RPS6KC1: variants seen among roughly 807,000 people sequenced by gnomAD.
RPS6KC1 encodes inactive ribosomal protein S6 kinase delta-1.
Under a neutral mutation model 103.8 loss-of-function variants are expected in RPS6KC1, and 54 were observed. The observed-to-expected ratio is 0.52, with a 90% CI of 0.42 to 0.65. The LOEUF (loss-of-function observed/expected upper bound fraction) is 0.65. Ranked by LOEUF, RPS6KC1 falls within the 30% of genes least tolerant of loss-of-function variation. RPS6KC1 has a pLI of 0.00. For synonymous variants in RPS6KC1, 439 were observed against 438.7 expected (o/e 1.00, Z -0.01); for missense variants, 1,151 against 1,253.8 (o/e 0.92, Z 1.24).
chr1:213,129,306 A>G (rs1044897246), intron 5 of RPS6KC1, among the ~76,000 whole-genome samples: 2 of 152,164 alleles, frequency 1.3e-5, no homozygotes, highest in Non-Finnish European at 2.9e-5. Context: ...CTTCAATTTT[A>G]GTTTGATGAT....
chr1:213,760,549 CCT>C, the RPS6KC1 span, among the ~76,000 whole-genome samples: 1 of 152,112 alleles, frequency 6.6e-6, no homozygotes, highest in Admixed American at 6.5e-5. Context: ...GGCAGATTTC[CCT>C]CTGTTAAAAA....
chr1:213,149,368 A>C (rs921305895), intron 6 of RPS6KC1, among the ~76,000 whole-genome samples: 2 of 152,108 alleles, frequency 1.3e-5, no homozygotes, highest in African/African-American at 4.8e-5. Context: ...GATTTGTTTT[A>C]AGAAATTTTC....
At chr1:213,431,822 C>T in the RPS6KC1 span, among the ~76,000 whole-genome samples, 26 of 152,170 alleles carry the variant, frequency 1.7e-4, no homozygotes, top group African/African-American at 4.8e-4. Context: ...GCATGCACTA[C>T]GGATGAAATT....
chr1:213,545,767 G>A, the RPS6KC1 span, among the ~76,000 whole-genome samples: 2 of 152,244 alleles, frequency 1.3e-5, no homozygotes, highest in East Asian at 1.9e-4. Context: ...CTGCTTCTAA[G>A]TTCTCCCACA....
At chr1:213,150,907 T>C (rs2147894731) in intron 6 of RPS6KC1, among the ~76,000 whole-genome samples, 1 of 151,470 alleles carries the variant, frequency 6.6e-6, no homozygotes, top group East Asian at 2.0e-4. Context: ...GAGGCGCCCC[T>C]CACCTCCTGG....
intron 1 of RPS6KC1, among the ~76,000 whole-genome samples, chr1:213,054,523 T>G (rs750548286): frequency 2.6e-5 from 4 of 152,222 alleles, no homozygotes; most frequent in Non-Finnish European, 5.9e-5. Context: ...AGATAAAAAT[T>G]AAGAATGTCT....
intron 7 of RPS6KC1, among the ~76,000 whole-genome samples, chr1:213,169,374 CTCTAACATAA>C (rs1480078182): frequency 6.6e-6 from 1 of 152,158 alleles, no homozygotes; most frequent in Non-Finnish European, 1.5e-5. Flanking sequence ...ACTTATGTTG[CTCTAACATAA>C]TCTAACATAA....
chr1:213,481,866 G>C, the RPS6KC1 span, among the ~76,000 whole-genome samples: 1 of 152,164 alleles, frequency 6.6e-6, no homozygotes, highest in African/African-American at 2.4e-5. Context: ...GGTGGGGCCT[G>C]GTGGGAGGTG....
At chr1:213,684,619 G>C in the RPS6KC1 span, among the ~76,000 whole-genome samples, 1 of 152,172 alleles carries the variant, frequency 6.6e-6, no homozygotes, top group Admixed American at 6.5e-5. Context: ...TGACCTCATC[G>C]CTTGGCTTTG....
In RPS6KC1 at chr1:213,084,406, A is replaced by G. The variant is rs545867863; in HGVS notation, c.262+6590A>G. 2.0e-5 allele frequency among the ~76,000 whole-genome samples: 3 copies of G among 152,218 alleles called. No individual in the cohort carries two copies. In the South Asian group the frequency reaches 6.2e-4, roughly 32 times the overall value. The stretch of plus-strand genomic sequence containing the variant: ...CACTTTAGCCTCCCTAAGTGCTGGG[A>G]TTACAGGTGTGAGCCACCACACCTG... On this transcript the variant is annotated intron_variant, in intron 3 of 14. Transcript: ENST00000366960.
rs912823377 is a variant in RPS6KC1 at position 213,273,471 on chromosome 1, C to T, written c.*837C>T. On this transcript the variant is annotated 3_prime_UTR_variant, in exon 15 of 15. Transcript: ENST00000366960. ...ATAAACATGGTGAAACATTAGATCT[C>T]TTCTTCATTTAATAACCCTCCCCCC... 1 of 152,602 alleles carries T rather than the reference C, an allele frequency of 6.6e-6. No individual in the cohort carries two copies. The highest frequency in any genetic ancestry group is 1.5e-5 in the Non-Finnish European group (1 of 68,026). The allele number at this position is 152,602 out of a possible 1,614,324, so 9.5% of individuals were successfully genotyped here.
intron 12 of RPS6KC1, among the ~76,000 whole-genome samples, chr1:213,260,877 A>G (rs1015254353): frequency 2.6e-5 from 4 of 152,214 alleles, no homozygotes; most frequent in Admixed American, 1.3e-4. Context: ...AGATAGGGAT[A>G]ACACAGATAA....
chr1:213,508,647 A>G, the RPS6KC1 span, among the ~76,000 whole-genome samples: 2 of 152,076 alleles, frequency 1.3e-5, no homozygotes, highest in African/African-American at 2.4e-5. Flanking sequence ...TTTTTTTCTT[A>G]AGCCTCAATT....
the RPS6KC1 span, among the ~76,000 whole-genome samples, chr1:213,305,091 A>G: frequency 6.6e-6 from 1 of 151,894 alleles, no homozygotes; most frequent in African/African-American, 2.4e-5. Context: ...AGATTCATGC[A>G]AAATCTTTTT....
chr1:213,592,142 A>T, the RPS6KC1 span, among the ~76,000 whole-genome samples: 1 of 152,212 alleles, frequency 6.6e-6, no homozygotes, highest in Non-Finnish European at 1.5e-5. Context: ...GAAGATTGAA[A>T]TAAGTTGTTG....
chr1:213,741,102 AG>A, the RPS6KC1 span, among the ~76,000 whole-genome samples: 1 of 144,090 alleles, frequency 6.9e-6, no homozygotes, highest in Non-Finnish European at 1.6e-5. Flanking sequence ...AGAGAAACAT[AG>A]GGGCATTATC....
chr1:213,400,711 CTT>C, the RPS6KC1 span, among the ~76,000 whole-genome samples: 13 of 145,516 alleles, frequency 8.9e-5, no homozygotes, highest in African/African-American at 5.0e-5. Flanking sequence ...TTCTTTCTCT[CTT>C]TTTTTTTTTT....
the RPS6KC1 span, among the ~76,000 whole-genome samples, chr1:213,287,129 A>G: frequency 1.3e-5 from 2 of 152,178 alleles, no homozygotes; most frequent in Non-Finnish European, 2.9e-5. Context: ...ATGATTTTTA[A>G]AATGCAAAGA....
the RPS6KC1 span, among the ~76,000 whole-genome samples, chr1:213,573,501 T>A: frequency 1.3e-5 from 2 of 152,206 alleles, no homozygotes; most frequent in Non-Finnish European, 2.9e-5. Flanking sequence ...TCACATGTGA[T>A]CTGCACTCTT....
Sources: allele counts gnomAD v4.1 joint callset (sites outside exome capture counted in the v4.1 genomes callset), GRCh38; gene constraint gnomAD v4.1.1; transcripts MANE v1.5; gene names NCBI Gene and HGNC (gene_info 2026-07-23, HGNC 2026-07-21).